Variants in ZNF467 observed in about 807,000 individuals in gnomAD.
The protein encoded by ZNF467 is zinc finger protein 467, also known as zinc finger protein EZI.
ZNF467 carries 51 observed loss-of-function variants against 47.8 expected under a neutral mutation model. The ratio of observed to expected loss-of-function variants is 1.07; its 90% CI spans 0.85 to 1.35. ZNF467 has a LOEUF of 1.35. ZNF467 is among the 40% of genes most tolerant of loss of function. The pLI is 0.00. For missense variants in ZNF467, 992 were observed against 858.1 expected, an observed-to-expected ratio of 1.16 and a Z score of -1.95; for synonymous variants, 416 against 372.9, an observed-to-expected ratio of 1.12 and a Z score of -1.33.
upstream of ZNF467, chr7:149,776,480 G>T (rs369875598): frequency 6.6e-5 from 88 of 1,328,152 alleles, no homozygotes; most frequent in Non-Finnish European, 8.1e-5. Context: ...TGGAGTGGCC[G>T]CTCGGGGCTT....
intron 4 of ZNF467, among the ~76,000 whole-genome samples, chr7:149,767,901 T>C (rs2117428607): frequency 6.6e-6 from 1 of 152,238 alleles, no homozygotes; most frequent in East Asian, 1.9e-4. Flanking sequence ...CATCTGAGGC[T>C]CACCCCACCC....
At position 149,770,848 on chromosome 7, in the gene ZNF467, G is replaced by A. The variant is rs933598547; in HGVS notation, c.34+151C>T. 29 of 917,180 alleles carry A rather than the reference G, an allele frequency of 3.2e-5. No homozygotes were observed. In the Middle Eastern group the frequency reaches 6.6e-4, roughly 21 times the overall value. 56.8% of individuals were successfully genotyped at this position (917,180 alleles called of 1,614,324 possible). ...GCCTCCACCATGTTCCAGGCATTCA[G>A]ACACCCCGTGCTACAGAAAAGGAGG... is the stretch of plus-strand genomic sequence containing the variant. On this transcript the variant is annotated intron_variant, in intron 2 of 4. Transcript: ENST00000302017.
In ZNF467 at chr7:149,764,312, C is replaced by G; in HGVS notation, c.*402G>C. The G allele has an allele frequency of 2.2e-6, 1 of 447,170 alleles. No homozygotes were observed. Among genetic ancestry groups the G allele is most frequent in the South Asian group, 4.9e-5 (1 of 20,418 alleles). The allele number at this position is 447,170 out of a possible 1,614,324, so 27.7% of individuals were successfully genotyped here. On this transcript the variant is annotated 3_prime_UTR_variant, in exon 5 of 5. Transcript: ENST00000302017. ...TGTGTGGATGGAGGTGGGACAGTGG[C>G]TAAGGAGAGTCAGGTGTTCCCTCCC...
chr7:149,765,731 G>C lies in ZNF467; in HGVS notation c.771C>G (p.Ile257Met). ...GGGTCTTTTGGTGCGAGCCCAGGTGGATCTTCTGGCTGAAGCGCTTGCCGC... is the reference window on the plus strand; with the variant it reads ...GGGTCTTTTGGTGCGAGCCCAGGTGCATCTTCTGGCTGAAGCGCTTGCCGC... ...AECGKRFSQK[I>M]HLGSHQKTHT... is the part of the protein sequence containing the mutation. The change falls in exon 5 of 5, where the codon ATC (isoleucine) becomes ATG (methionine). Residue 257 changes from isoleucine to methionine, a missense_variant. Transcript: ENST00000302017. 1 of 1,613,304 alleles carries C rather than the reference G, an allele frequency of 6.2e-7. No homozygotes were observed. Among genetic ancestry groups the C allele is most frequent in the South Asian group, 1.1e-5 (1 of 91,030 alleles).
chr7:149,766,383 A>G (rs1366441688), intron 4 of ZNF467, 144 bp from the exon 5 acceptor site: 2 of 1,372,244 alleles, frequency 1.5e-6, no homozygotes, highest in Non-Finnish European at 1.9e-6. Context: ...CCAAATCCGC[A>G]GCTCTTCTCA....
chr7:149,769,192 C>A lies in ZNF467; in HGVS notation c.160G>T (p.Ala54Ser), dbSNP rs1281430914. The A allele has an allele frequency of 6.4e-7, 1 of 1,555,652 alleles. No homozygotes were observed. Among genetic ancestry groups the A allele is most frequent in the Admixed American group, 1.9e-5 (1 of 51,764 alleles). Residue 54 changes from alanine (A) to serine (S), a missense_variant, in exon 4 of 5, where the codon GCC (alanine) becomes TCC (serine). By Grantham distance (99) the Ala-to-Ser change is moderately conservative. Transcript: ENST00000302017. This position sits in a 1 kb window ranked among gnomAD's most constrained non-coding sequence, Gnocchi z 5.3. Reference sequence around the variant, plus strand: ...TGGGCACCTTCCTCCGGTGTAGGGGCCTCGTGCCCTGGCAGAGAATAGGAT... The same window carrying A: ...TGGGCACCTTCCTCCGGTGTAGGGGACTCGTGCCCTGGCAGAGAATAGGAT... ...RALGVCSGHEAPTPEEGAHTE... is the reference protein window; with the variant it reads ...RALGVCSGHESPTPEEGAHTE...
rs867821680 is a variant in ZNF467 at position 149,772,905 on chromosome 7, A to G, written c.-43+203T>C. On this transcript the variant is annotated intron_variant, in intron 1 of 4. Coordinates refer to ENST00000302017, the MANE Select transcript of ZNF467 (RefSeq NM_207336.3). ...AGCCCCCCCGGTCTCCTCTACCCCC[A>G]CAGCCCTCACCCTGCCCGCGCCGGC... Among the ~76,000 whole-genome samples, 743 of 82,216 alleles carry G rather than the reference A, an allele frequency of 9.0e-3. 6 individuals are homozygous for G. The highest frequency in any genetic ancestry group is 0.055 in the Middle Eastern group (7 of 128). The allele number at this position is 82,216 out of a possible 152,430, so 53.9% of individuals were successfully genotyped here. A position where few individuals can be genotyped will look rare whatever the true frequency, so the allele number is the denominator to read the frequency against.
Position 149,765,029 on chromosome 7 carries a change from C to A in ZNF467, c.1473G>T (p.Gln491His), listed in dbSNP as rs754238533. ...ACTTGCGGCTGAAGCGGCGGCCGCACTGAGCGCAGGCGAAAGGCCTGGCGC... is the reference window on the plus strand; with the variant it reads ...ACTTGCGGCTGAAGCGGCGGCCGCAATGAGCGCAGGCGAAAGGCCTGGCGC... ...HSGARPFACA[Q>H]CGRRFSRKSH... Residue 491 changes from glutamine (Q) to histidine (H), a missense_variant, in exon 5 of 5, where the codon CAG (glutamine) becomes CAT (histidine). Gln to His is a conservative substitution (Grantham distance 24, BLOSUM62 0). Coordinates refer to ENST00000302017, the MANE Select transcript of ZNF467 (RefSeq NM_207336.3). 3 of 1,561,226 alleles carry A rather than the reference C, an allele frequency of 1.9e-6. No individual in the cohort carries two copies.
Position 149,765,672 on chromosome 7 carries a change from C to A in ZNF467, c.830G>T (p.Cys277Phe). 6.2e-7 allele frequency: 1 copy of A among 1,613,076 alleles called. No individual in the cohort carries two copies. Among genetic ancestry groups the A allele is most frequent in the Middle Eastern group, 1.6e-4 (1 of 6,062 alleles). The change falls in exon 5 of 5, where the codon TGC becomes TTC. Residue 277 changes from cysteine to phenylalanine, a missense_variant. By Grantham distance (205) the Cys-to-Phe change is radical. Transcript: ENST00000302017. ...CGTCTTCTTGCGAAAGCGCTTCTCG[C>A]ATTCCGTGCAGGGGAAGGGCCGCTC... Reference protein sequence around the residue: ...TGERPFPCTECEKRFRKKTHL... With the variant: ...TGERPFPCTEFEKRFRKKTHL...
chr7:149,773,527 G>A lies in ZNF467; in HGVS notation c.-462C>T, dbSNP rs1425332720. On this transcript the variant is annotated 5_prime_UTR_variant, in exon 1 of 5. Transcript: ENST00000302017. ...GGGAGGGGAGGGTGATGGGAGAGGG[G>A]GTGGAGGAGGGCGAGGAGGCTGGGG... The A allele has an allele frequency of 1.4e-5, 2 of 139,342 alleles. No individual in the cohort carries two copies. The highest frequency in any genetic ancestry group is 5.4e-5 in the African/African-American group (2 of 37,108). 8.6% of individuals were successfully genotyped at this position (139,342 alleles called of 1,614,324 possible).
At chr7:149,774,368 A>G (rs1227681162), upstream of ZNF467, among the ~76,000 whole-genome samples, 1 of 152,148 alleles carries the variant, frequency 6.6e-6, no homozygotes, top group African/African-American at 2.4e-5. The surrounding 1 kb of genome is among the most constrained non-coding windows in gnomAD (Gnocchi z 5.7). Flanking sequence ...AACTTTCTCC[A>G]AACCCCTGGG....
chr7:149,765,369 C>T lies in ZNF467; in HGVS notation c.1133G>A (p.Arg378His), dbSNP rs1221943702. The change falls in exon 5 of 5, where the codon CGC becomes CAC. Residue 378 changes from arginine to histidine, a missense_variant. Arg to His is a conservative substitution (Grantham distance 29). Coordinates refer to ENST00000302017, the MANE Select transcript of ZNF467 (RefSeq NM_207336.3). ...KNLATHQCLH[R>H]SEGRPFGCDE... Reference sequence around the variant, plus strand: ...GCACCCAAAGGGGCGACCCTCGCTGCGGTGCAGACACTGGTGCGTGGCGAG... The same window carrying T: ...GCACCCAAAGGGGCGACCCTCGCTGTGGTGCAGACACTGGTGCGTGGCGAG... The T allele has an allele frequency of 1.3e-6, 2 of 1,555,602 alleles. No individual in the cohort carries two copies. Among genetic ancestry groups the T allele is most frequent in the South Asian group, 2.4e-5 (2 of 83,872 alleles).
At chr7:149,771,521 G>A (rs1285754189) in intron 1 of ZNF467, among the ~76,000 whole-genome samples, 2 of 152,152 alleles carry the variant, frequency 1.3e-5, no homozygotes, top group African/African-American at 2.4e-5. Flanking sequence ...GCCAGCCCAG[G>A]GGCGGGAGTG....
chr7:149,766,226 C>T lies in ZNF467; in HGVS notation c.276G>A (p.Met92Ile). The T allele has an allele frequency of 6.6e-7, 1 of 1,520,814 alleles. No individual in the cohort carries two copies. The highest frequency in any genetic ancestry group is 1.3e-5 in the South Asian group (1 of 76,974). The allele number at this position is 1,520,814 out of a possible 1,614,324, so 94.2% of individuals were successfully genotyped here. ...PVGTCPGEEW[M>I]IRKVKVEDED... ...CGTCCTCCACCTTCACCTTCCGAAT[C>T]ATCCACTCCTCTCCTGGAAAGTCAA... Residue 92 changes from methionine (M) to isoleucine (I), a missense_variant, in exon 5 of 5, where the codon ATG becomes ATA. By Grantham distance (10) the Met-to-Ile change is conservative. Coordinates refer to ENST00000302017, the MANE Select transcript of ZNF467 (RefSeq NM_207336.3).
chr7:149,770,946 C>T (rs1231232225), intron 2 of ZNF467, 53 bp downstream of exon 2: 3 of 1,612,444 alleles, frequency 1.9e-6, no homozygotes, highest in Non-Finnish European at 2.5e-6. Flanking sequence ...GTTGTAGATG[C>T]CCCTGAATCC....
intron 1 of ZNF467, 112 bp from the exon 2 acceptor site, chr7:149,771,186 T>C: frequency 1.2e-6 from 1 of 814,244 alleles, no homozygotes; most frequent in Non-Finnish European, 2.0e-6. Flanking sequence ...AAAGGTGACA[T>C]CCCCAGGTAC....
upstream of ZNF467, chr7:149,776,095 A>G: frequency 1.5e-6 from 2 of 1,364,192 alleles, no homozygotes; most frequent in East Asian, 4.6e-5. Context: ...CTGACGGGTA[A>G]GCAGCCCACC....
intron 4 of ZNF467, among the ~76,000 whole-genome samples, chr7:149,768,263 A>G (rs1165852567): frequency 1.3e-5 from 2 of 152,114 alleles, no homozygotes; most frequent in Non-Finnish European, 2.9e-5. Flanking sequence ...TTTGTGTTCC[A>G]TTTCTTTTGT....
Position 149,765,079 on chromosome 7 carries a change from C to G in ZNF467, c.1423G>C (p.Val475Leu). Residue 475 changes from valine (V) to leucine (L), a missense_variant, in exon 5 of 5, where the codon GTC (valine) becomes CTC (leucine). Transcript: ENST00000302017. ...CCGCTGTGGGCCCTGGAGTGGGCGA[C>G]CAGATTAGGCCGCGAGCCGAAGCGG... Reference protein sequence around the residue: ...DRRFGSRPNLVAHSRAHSGAR... With the variant: ...DRRFGSRPNLLAHSRAHSGAR... 1 of 1,473,194 alleles carries G rather than the reference C, an allele frequency of 6.8e-7. No individual in the cohort carries two copies. The highest frequency in any genetic ancestry group is 9.0e-7 in the Non-Finnish European group (1 of 1,116,864). The allele number at this position is 1,473,194 out of a possible 1,614,324, so 91.3% of individuals were successfully genotyped here.
Sources: allele counts gnomAD v4.1 joint callset (sites outside exome capture counted in the v4.1 genomes callset), GRCh38; gene constraint gnomAD v4.1.1; non-coding constraint Gnocchi (gnomAD v3.1); transcripts MANE v1.5; gene names NCBI Gene and HGNC (gene_info 2026-07-23, HGNC 2026-07-21).